The following PATJ variants were observed in gnomAD, a reference collection of about 807,000 sequenced individuals.
PATJ encodes the protein inaD-like protein.
PATJ carries 190 observed loss-of-function variants against 224.9 expected under a neutral mutation model. The observed-to-expected ratio is 0.84, with a 90% CI of 0.75 to 0.95. The LOEUF (loss-of-function observed/expected upper bound fraction) is 0.95, where lower values mean the gene tolerates loss of function less well. Among genes scored for constraint, PATJ ranks in the 40% least tolerant of loss-of-function variants. PATJ has a pLI of 0.00. For missense variants in PATJ, 2,121 were observed against 2,270.3 expected, an observed-to-expected ratio of 0.93 and a Z score of 1.34; for synonymous variants, 769 against 820.3, an observed-to-expected ratio of 0.94 and a Z score of 1.07.
intron 22 of PATJ, among the ~76,000 whole-genome samples, chr1:61,890,015 C>T (rs757635758): frequency 3.3e-5 from 5 of 152,036 alleles, no homozygotes; most frequent in Non-Finnish European, 5.9e-5. Context: ...TATGGGTGCC[C>T]CTAGGGGGGA....
intron 12 of PATJ, among the ~76,000 whole-genome samples, chr1:61,803,215 A>G (rs962580732): frequency 4.6e-5 from 7 of 152,198 alleles, no homozygotes; most frequent in African/African-American, 2.4e-5. Flanking sequence ...ATACTCCTCT[A>G]TTATAAATGC....
chr1:61,852,499 G>T (rs556226371), intron 17 of PATJ: 2 of 152,230 alleles, frequency 1.3e-5, no homozygotes, highest in South Asian at 4.1e-4. Context: ...GCCATCAGGG[G>T]TGTGCACATT....
At chr1:62,066,353 T>G (rs1656416696) in intron 31 of PATJ, among the ~76,000 whole-genome samples, 1 of 151,996 alleles carries the variant, frequency 6.6e-6, no homozygotes. Flanking sequence ...GGTTAATAAG[T>G]ATTATTGAAG....
intron 19 of PATJ, among the ~76,000 whole-genome samples, chr1:61,862,143 G>T (rs1043504123): frequency 2.8e-4 from 43 of 152,164 alleles, no homozygotes; most frequent in African/African-American, 1.0e-3. Flanking sequence ...CATTACAGGT[G>T]TGAGCCATTG....
intron 22 of PATJ, among the ~76,000 whole-genome samples, chr1:61,895,994 G>A (rs1442771915): frequency 6.6e-6 from 1 of 152,090 alleles, no homozygotes; most frequent in African/African-American, 2.4e-5. Context: ...GATCATTTTG[G>A]AGCTTTAAGA....
At chr1:62,020,389 C>T (rs1238030882) in intron 29 of PATJ, among the ~76,000 whole-genome samples, 2 of 152,116 alleles carry the variant, frequency 1.3e-5, no homozygotes, top group African/African-American at 4.8e-5. Context: ...TTATTATCCA[C>T]ATGGGCCATG....
intron 33 of PATJ, among the ~76,000 whole-genome samples, chr1:62,089,438 G>T (rs1251979070): frequency 6.6e-6 from 1 of 151,306 alleles, no homozygotes; most frequent in East Asian, 1.9e-4. Flanking sequence ...ATATAGTTCT[G>T]CCTTTTCAGA....
chr1:62,028,536 T>C (rs1270721730), intron 29 of PATJ, among the ~76,000 whole-genome samples: 1 of 152,142 alleles, frequency 6.6e-6, no homozygotes, highest in Non-Finnish European at 1.5e-5. Context: ...CCCAGCACTT[T>C]GGGAGGCTGA....
At chr1:61,885,245 T>G (rs990005275) in intron 22 of PATJ, among the ~76,000 whole-genome samples, 1 of 152,020 alleles carries the variant, frequency 6.6e-6, no homozygotes, top group Non-Finnish European at 1.5e-5. Flanking sequence ...ACAGGCAACC[T>G]ACAGAATGGG....
intron 33 of PATJ, among the ~76,000 whole-genome samples, chr1:62,107,296 A>G (rs1350023280): frequency 2.0e-5 from 3 of 151,018 alleles, no homozygotes; most frequent in Non-Finnish European, 3.0e-5. Flanking sequence ...ACAGAGTGAG[A>G]GTCCATCTCA....
intron 29 of PATJ, among the ~76,000 whole-genome samples, chr1:62,019,614 AG>A (rs1448869852): frequency 6.6e-6 from 1 of 151,966 alleles, no homozygotes; most frequent in Non-Finnish European, 1.5e-5. Context: ...AGAGAGTGAA[AG>A]CTTCCTCCTT....
Position 61,941,692 on chromosome 1 carries a change from T to C in PATJ, c.3670+13863T>C, listed in dbSNP as rs547201493. Among the ~76,000 whole-genome samples the C allele has an allele frequency of 2.0e-5, 3 of 152,288 alleles. No homozygotes were observed. In the South Asian group the frequency reaches 6.2e-4, roughly 32 times the overall value. On this transcript the variant is annotated intron_variant, in intron 27 of 43. Coordinates refer to ENST00000642238, the MANE Select transcript of PATJ (RefSeq NM_001350145.3). ...AATAAATAAAAGTTAATTCTCTTAA[T>C]AGTCATATTAACTGTCAACATTTTT... is the stretch of plus-strand genomic sequence containing the variant.
At chr1:61,899,463 A>ACT (rs1303791937) in intron 22 of PATJ, 120 bp from the exon 23 acceptor site, 2 of 579,006 alleles carry the variant, frequency 3.5e-6, no homozygotes, top group Non-Finnish European at 5.9e-6. Flanking sequence ...TATTTTAAAA[A>ACT]CTTAAAAATT....
intron 26 of PATJ, 40 bp from the exon 27 acceptor site, chr1:61,927,690 A>G: frequency 1.6e-6 from 2 of 1,240,124 alleles, no homozygotes; most frequent in Admixed American, 1.8e-5. Flanking sequence ...AGCATTGTAC[A>G]AGAAGCATTT....
chr1:62,135,846 C>T lies in PATJ; in HGVS notation c.5271+6901C>T, dbSNP rs1239131230. 2.0e-5 allele frequency among the ~76,000 whole-genome samples: 3 copies of T among 152,054 alleles called. No homozygotes were observed. In the South Asian group the frequency reaches 6.2e-4, roughly 32 times the overall value. On this transcript the variant is annotated intron_variant, in intron 41 of 43. Coordinates refer to ENST00000642238, the MANE Select transcript of PATJ (RefSeq NM_001350145.3). ...TATCTTATTACTTTCATTGTACTAACATAGGCTTGAAGTTAGAGGATACTA... is the reference window on the plus strand; with the variant it reads ...TATCTTATTACTTTCATTGTACTAATATAGGCTTGAAGTTAGAGGATACTA...
chr1:61,788,111 T>C (rs921063143), intron 8 of PATJ, 139 bp downstream of exon 8: 38 of 621,374 alleles, frequency 6.1e-5, no homozygotes, highest in Non-Finnish European at 9.4e-5. Context: ...AAAAAACTTA[T>C]TGGGAGACAT....
intron 30 of PATJ, among the ~76,000 whole-genome samples, chr1:62,039,387 C>G (rs1394590164): frequency 1.3e-5 from 2 of 151,936 alleles, no homozygotes; most frequent in Non-Finnish European, 2.9e-5. Context: ...GAAAAAAAAA[C>G]AAGTGTTCAA....
chr1:61,906,946 CAT>C (rs1671941431), intron 24 of PATJ, among the ~76,000 whole-genome samples: 1 of 152,172 alleles, frequency 6.6e-6, no homozygotes, highest in Admixed American at 6.5e-5. Context: ...CCAAAATCCC[CAT>C]ATGTCATGGG....
intron 1 of PATJ, among the ~76,000 whole-genome samples, chr1:61,746,737 A>G (rs1054988031): frequency 8.0e-5 from 12 of 150,514 alleles, no homozygotes; most frequent in African/African-American, 2.7e-4. Context: ...CTGTAACTAT[A>G]AAGCTAACAT....
Sources: allele counts gnomAD v4.1 joint callset (sites outside exome capture counted in the v4.1 genomes callset), GRCh38; gene constraint gnomAD v4.1.1; transcripts MANE v1.5; gene names NCBI Gene and HGNC (gene_info 2026-07-23, HGNC 2026-07-21).